SHROOM4: variants seen among roughly 807,000 people sequenced by gnomAD.
SHROOM4 encodes the protein shroom family member 4, also known as protein Shroom4.
A neutral mutation model predicts 80.3 loss-of-function variants in SHROOM4; 17 were observed. The observed-to-expected ratio is 0.21, with a 90% CI of 0.14 to 0.32. SHROOM4 has a LOEUF of 0.32. Ranked by LOEUF, SHROOM4 falls within the 10% of genes least tolerant of loss-of-function variation. The probability of loss-of-function intolerance (pLI) is 1.00; values close to 1 mark genes in which losing one functional copy is unlikely to be tolerated. For synonymous variants in SHROOM4, 400 were observed against 437.5 expected (o/e 0.91, Z 1.07); for missense variants, 993 against 1,140.3 (o/e 0.87, Z 1.86).
chrX:50,621,024 G>A (rs1248512721), intron 5 of SHROOM4, among the ~76,000 whole-genome samples: 2 of 111,115 alleles, frequency 1.8e-5, no homozygotes, highest in African/African-American at 6.5e-5. Context: ...TGAATCCATC[G>A]ATCTTGTCTC....
intron 7 of SHROOM4, among the ~76,000 whole-genome samples, chrX:50,601,421 T>A (rs1929401090): frequency 8.9e-6 from 1 of 112,047 alleles, no homozygotes; most frequent in African/African-American, 3.2e-5. Context: ...CCCCTGACAT[T>A]TTGCTTCAGA....
chrX:50,603,712 C>T (rs1226742001), intron 6 of SHROOM4, among the ~76,000 whole-genome samples: 2 of 111,824 alleles, frequency 1.8e-5, no homozygotes, highest in African/African-American at 3.2e-5. Context: ...TCTCAGAGCC[C>T]CAGCCCATGA....
intron 8 of SHROOM4, 110 bp from the exon 9 acceptor site, chrX:50,597,074 T>C: frequency 1.2e-5 from 11 of 943,119 alleles, no homozygotes; most frequent in South Asian, 2.1e-5. Context: ...AGCTATACAT[T>C]CTGCTAATTA....
rs782559425 is a variant in SHROOM4 at position 50,590,532 on chromosome X, G to A, written c.*6163C>T. Among the ~76,000 whole-genome samples, 2 of 111,187 alleles carry A rather than the reference G, an allele frequency of 1.8e-5. No individual in the cohort carries two copies. The highest frequency in any genetic ancestry group is 9.5e-5 in the Admixed American group (1 of 10,535). On this transcript the variant is annotated 3_prime_UTR_variant, in exon 9 of 9. Transcript: ENST00000376020. ...CCCAAAGTGCTGGGATTACAGGCGT[G>A]AGCCACCGCGCCTGGCCGAGACCAG...
chrX:50,706,032 ACACAC>A (rs1342480365), intron 1 of SHROOM4, among the ~76,000 whole-genome samples: 4 of 107,562 alleles, frequency 3.7e-5, no homozygotes, highest in East Asian at 3.1e-4. Context: ...ACACACACAC[ACACAC>A]GTCATACCAA....
intron 4 of SHROOM4, among the ~76,000 whole-genome samples, chrX:50,631,073 A>C (rs868906251): frequency 9.3e-6 from 1 of 107,547 alleles, no homozygotes; most frequent in African/African-American, 3.4e-5. Context: ...AACAAAAAAA[A>C]CAAAAAACAG....
the SHROOM4 span, among the ~76,000 whole-genome samples, chrX:50,581,492 T>G: frequency 1.8e-5 from 2 of 111,403 alleles, no homozygotes; most frequent in East Asian, 5.7e-4. Context: ...CTGGGCCACT[T>G]ATAGACACCA....
intron 1 of SHROOM4, among the ~76,000 whole-genome samples, chrX:50,772,811 C>T (rs1213921534): frequency 8.9e-6 from 1 of 111,754 alleles, no homozygotes; most frequent in Non-Finnish European, 1.9e-5. Flanking sequence ...GAATACCTAT[C>T]ATATGCTAGG....
At chrX:50,793,310 A>C (rs1160606695) in intron 1 of SHROOM4, among the ~76,000 whole-genome samples, 1 of 110,033 alleles carries the variant, frequency 9.1e-6, no homozygotes, top group African/African-American at 3.3e-5. Context: ...TTGCTATTCA[A>C]GGGGTATAAA....
chrX:50,793,225 C>G (rs181385473), intron 1 of SHROOM4, among the ~76,000 whole-genome samples: 256 of 110,070 alleles, frequency 2.3e-3, no homozygotes, highest in African/African-American at 7.9e-3. Context: ...ATATGACGTA[C>G]CTAAAATAGC....
chrX:50,737,138 C>T (rs1369462027), intron 1 of SHROOM4, among the ~76,000 whole-genome samples: 2 of 111,162 alleles, frequency 1.8e-5, no homozygotes, highest in Non-Finnish European at 3.8e-5. Flanking sequence ...AATTAACTTA[C>T]TATAAATATG....
chrX:50,740,193 G>A lies in SHROOM4; in HGVS notation c.118-44256C>T, dbSNP rs1255248562. On this transcript the variant is annotated intron_variant, in intron 1 of 8. Transcript: ENST00000376020. ...ACTGGGGACTGTTGTGGGGTCGGGG[G>A]AGAGGGGAGGGATAGCATTAGGAGA... Among the ~76,000 whole-genome samples, 10 of 91,703 alleles carry A rather than the reference G, an allele frequency of 1.1e-4. No homozygotes were observed. In the East Asian group the frequency reaches 2.9e-3, roughly 26 times the overall value. The allele number at this position is 91,703 out of a possible 115,157, so 79.6% of individuals were successfully genotyped here.
intron 5 of SHROOM4, among the ~76,000 whole-genome samples, chrX:50,615,501 G>A (rs1334371414): frequency 1.8e-5 from 2 of 111,577 alleles, no homozygotes; most frequent in Non-Finnish European, 3.8e-5. Context: ...CTGCTTAGTT[G>A]TCTGCCCCTT....
At chrX:50,804,208 G>A (rs904905009) in intron 1 of SHROOM4, among the ~76,000 whole-genome samples, 4 of 111,476 alleles carry the variant, frequency 3.6e-5, no homozygotes, top group South Asian at 3.8e-4. Context: ...GGACAACAGC[G>A]CAGGTTGTAT....
intron 1 of SHROOM4, among the ~76,000 whole-genome samples, chrX:50,719,785 C>T (rs1420806578): frequency 8.9e-6 from 1 of 112,194 alleles, no homozygotes; most frequent in Non-Finnish European, 1.9e-5. Context: ...CATGTGTGTG[C>T]GTGTGTGTCT....
intron 1 of SHROOM4, among the ~76,000 whole-genome samples, chrX:50,804,649 G>T (rs1369464409): frequency 1.8e-5 from 2 of 112,075 alleles, no homozygotes; most frequent in African/African-American, 6.5e-5. Flanking sequence ...CTGAGTCTCG[G>T]TTCTTCATCT....
chrX:50,801,261 G>GGGGAGAGAGAGAGA (rs1557272561), intron 1 of SHROOM4, among the ~76,000 whole-genome samples: 2 of 81,530 alleles, frequency 2.5e-5, no homozygotes, highest in Non-Finnish European at 4.6e-5. Context: ...GAGAGAAAGA[G>GGGGAGAGAGAGAGA]GAGAGAGAGA....
intron 2 of SHROOM4, among the ~76,000 whole-genome samples, chrX:50,660,454 G>A (rs1357102280): frequency 9.1e-6 from 1 of 110,492 alleles, no homozygotes; most frequent in Non-Finnish European, 1.9e-5. Flanking sequence ...ATAGGTGAAA[G>A]TTACATCTTA....
chrX:50,579,057 T>C, the SHROOM4 span, among the ~76,000 whole-genome samples: 3 of 111,802 alleles, frequency 2.7e-5, no homozygotes, highest in South Asian at 1.1e-3. Context: ...TCAAAAAACA[T>C]GAGAACATTT....
Sources: gnomAD v4.1 joint callset for allele counts (sites outside exome capture counted in the v4.1 genomes callset) on GRCh38, gnomAD v4.1.1 for gene constraint, MANE v1.5 for transcripts, NCBI Gene and HGNC (gene_info 2026-07-23, HGNC 2026-07-21) for gene names.